The following CSNK2A2IP variants were observed in gnomAD, a reference collection of about 807,000 sequenced individuals.
CSNK2A2IP encodes casein kinase 2 subunit alpha' interacting protein.
At chr3:88,373,110 A>G in the CSNK2A2IP span, among the ~76,000 whole-genome samples, 7 of 151,478 alleles carry the variant, frequency 4.6e-5, no homozygotes, top group Non-Finnish European at 1.0e-4. Flanking sequence ...GAAAAATTAA[A>G]CAATACTCTC....
chr3:88,345,501 C>T, the CSNK2A2IP span, among the ~76,000 whole-genome samples: 1 of 151,950 alleles, frequency 6.6e-6, no homozygotes, highest in Admixed American at 6.6e-5. Context: ...ATTTTTTCAT[C>T]AGCACATGCT....
At chr3:88,353,585 C>A in the CSNK2A2IP span, among the ~76,000 whole-genome samples, 1 of 152,180 alleles carries the variant, frequency 6.6e-6, no homozygotes, top group African/African-American at 2.4e-5. Context: ...GAGTATTAAA[C>A]TACTGAGATT....
chr3:88,395,124 C>T, the CSNK2A2IP span, among the ~76,000 whole-genome samples: 3 of 152,248 alleles, frequency 2.0e-5, no homozygotes, highest in South Asian at 2.1e-4. Flanking sequence ...CATATGCAGA[C>T]GTATATACAC....
At chr3:88,425,264 A>G in the CSNK2A2IP span, among the ~76,000 whole-genome samples, 1 of 152,128 alleles carries the variant, frequency 6.6e-6, no homozygotes, top group Admixed American at 6.5e-5. Flanking sequence ...TGCTTAAATA[A>G]ATTGTAGTTA....
At chr3:88,463,738 G>C in the CSNK2A2IP span, among the ~76,000 whole-genome samples, 1 of 152,174 alleles carries the variant, frequency 6.6e-6, no homozygotes, top group Non-Finnish European at 1.5e-5. Context: ...GTGGAAGTTG[G>C]CGTGGTGATT....
At chr3:88,435,955 ATTATG>A in the CSNK2A2IP span, among the ~76,000 whole-genome samples, 1 of 121,380 alleles carries the variant, frequency 8.2e-6, no homozygotes, top group African/African-American at 3.3e-5. Context: ...TATAATGCAC[ATTATG>A]TGTGCATTAT....
At chr3:88,447,465 A>G in the CSNK2A2IP span, among the ~76,000 whole-genome samples, 8 of 152,248 alleles carry the variant, frequency 5.3e-5, no homozygotes, top group African/African-American at 1.9e-4. Flanking sequence ...GTAGAAACTA[A>G]TCCAAAGAAA....
the CSNK2A2IP span, among the ~76,000 whole-genome samples, chr3:88,460,072 T>C: frequency 6.6e-6 from 1 of 152,200 alleles, no homozygotes; most frequent in Non-Finnish European, 1.5e-5. Context: ...TATGGTACTC[T>C]GAAAATGTTC....
At chr3:88,442,539 A>G in the CSNK2A2IP span, among the ~76,000 whole-genome samples, 2 of 152,136 alleles carry the variant, frequency 1.3e-5, no homozygotes, top group Non-Finnish European at 2.9e-5. Flanking sequence ...AATAATAAGA[A>G]TAATAATTTA....
At chr3:88,446,022 T>A in the CSNK2A2IP span, among the ~76,000 whole-genome samples, 1 of 97,858 alleles carries the variant, frequency 1.0e-5, no homozygotes, top group Non-Finnish European at 2.6e-5. Context: ...CTTTTCTTTC[T>A]TTGTTTCTTT....
At chr3:88,342,672 A>C in the CSNK2A2IP span, among the ~76,000 whole-genome samples, 1 of 151,086 alleles carries the variant, frequency 6.6e-6, no homozygotes, top group Non-Finnish European at 1.5e-5. Context: ...ACATGTCTAT[A>C]TTGTCAGAAA....
chr3:88,365,829 G>A, the CSNK2A2IP span, among the ~76,000 whole-genome samples: 116 of 152,164 alleles, frequency 7.6e-4, no homozygotes, highest in Middle Eastern at 3.4e-3. Flanking sequence ...AAGTTTCTTG[G>A]CTGTTGATTT....
At chr3:88,354,417 G>A in the CSNK2A2IP span, among the ~76,000 whole-genome samples, 1 of 152,114 alleles carries the variant, frequency 6.6e-6, no homozygotes, top group South Asian at 2.1e-4. Flanking sequence ...GCATAGAATG[G>A]GTAGTACTCA....
At chr3:88,414,159 C>A in the CSNK2A2IP span, among the ~76,000 whole-genome samples, 1 of 144,788 alleles carries the variant, frequency 6.9e-6, no homozygotes, top group African/African-American at 2.6e-5. Context: ...ACTTTACAAA[C>A]GTTATTTGTA....
chr3:88,447,464 A>T, the CSNK2A2IP span, among the ~76,000 whole-genome samples: 1 of 152,122 alleles, frequency 6.6e-6, no homozygotes, highest in Admixed American at 6.6e-5. Context: ...TGTAGAAACT[A>T]ATCCAAAGAA....
At chr3:88,355,302 AG>A in the CSNK2A2IP span, among the ~76,000 whole-genome samples, 3 of 152,126 alleles carry the variant, frequency 2.0e-5, no homozygotes, top group Non-Finnish European at 4.4e-5. Context: ...GAATGAAGAA[AG>A]TTTTTTTGTT....
the CSNK2A2IP span, among the ~76,000 whole-genome samples, chr3:88,437,348 C>T: frequency 2.5e-4 from 38 of 152,288 alleles, no homozygotes; most frequent in Non-Finnish European, 5.1e-4. Context: ...AAATTCAAAT[C>T]CCATTAATGG....
the CSNK2A2IP span, among the ~76,000 whole-genome samples, chr3:88,390,502 A>G: frequency 6.6e-6 from 1 of 152,214 alleles, no homozygotes; most frequent in South Asian, 2.1e-4. Flanking sequence ...TCAACGTCAC[A>G]TCCAATGAGA....
chr3:88,372,172 C>A, the CSNK2A2IP span, among the ~76,000 whole-genome samples: 2 of 151,498 alleles, frequency 1.3e-5, no homozygotes, highest in East Asian at 3.9e-4. Flanking sequence ...CTATGTAAAG[C>A]CAAATTTATA....
Sources: gnomAD v4.1 joint callset for allele counts (sites outside exome capture counted in the v4.1 genomes callset) on GRCh38, gnomAD v4.1.1 for gene constraint, MANE v1.5 for transcripts, NCBI Gene and HGNC (gene_info 2026-07-23, HGNC 2026-07-21) for gene names.